The following SEZ6L variants were observed in gnomAD, a reference collection of about 807,000 sequenced individuals.
The protein encoded by SEZ6L is seizure 6-like protein.
Under a neutral mutation model 106.2 loss-of-function variants are expected in SEZ6L, and 37 were observed. The observed-to-expected ratio is 0.35, with a 90% confidence interval of 0.27 to 0.46. SEZ6L has a LOEUF of 0.46. SEZ6L is among the 20% of genes least tolerant of loss of function. The pLI is 1.00. For missense variants in SEZ6L, 1,172 were observed against 1,332.8 expected, an observed-to-expected ratio of 0.88 and a Z score of 1.88; for synonymous variants, 541 against 570.4, an observed-to-expected ratio of 0.95 and a Z score of 0.73.
Position 26,375,560 on chromosome 22 carries a change from G to A in SEZ6L, c.2828-15G>A. On this transcript the variant is annotated splice_polypyrimidine_tract_variant and intron_variant, in intron 14 of 16. Transcript: ENST00000248933. The stretch of plus-strand genomic sequence containing the variant: ...CTACCTGGGAAATGAGGACCTCACT[G>A]GCTCCTGTGTTCAGTAGCAGAAGCG... 6.3e-7 allele frequency: 1 copy of A among 1,595,918 alleles called. No homozygotes were observed. The highest frequency in any genetic ancestry group is 8.6e-7 in the Non-Finnish European group (1 of 1,163,588).
chr22:26,287,094 G>A (rs1299642029), intron 1 of SEZ6L, among the ~76,000 whole-genome samples: 2 of 149,282 alleles, frequency 1.3e-5, no homozygotes, highest in East Asian at 3.9e-4. Flanking sequence ...GATGTTCCCA[G>A]TCTAATCTCC....
At chr22:26,281,055 A>T (rs1330678151) in intron 1 of SEZ6L, among the ~76,000 whole-genome samples, 1 of 152,212 alleles carries the variant, frequency 6.6e-6, no homozygotes, top group Non-Finnish European at 1.5e-5. Flanking sequence ...TCATGTTGGA[A>T]TTTAATCCCC....
At chr22:26,292,350 C>G in intron 1 of SEZ6L, 56 bp from the exon 2 acceptor site, 1 of 1,393,366 alleles carries the variant, frequency 7.2e-7, no homozygotes, top group Non-Finnish European at 9.9e-7. Context: ...AGTCTGACAG[C>G]AGGTGAAGGT....
chr22:26,203,403 C>T (rs540480023), intron 1 of SEZ6L, among the ~76,000 whole-genome samples: 2 of 152,270 alleles, frequency 1.3e-5, no homozygotes, highest in African/African-American at 4.8e-5. Context: ...TAGCTCTATC[C>T]CCCTAGCCTC....
Position 26,343,610 on chromosome 22 carries a change from G to A in SEZ6L, c.2212+2978G>A, listed in dbSNP as rs550170733. ...TAGGCTCTGCACACCAGGATATAGA[G>A]ATGAATAGAATATTCTCCCTACCCT... On this transcript the variant is annotated intron_variant, in intron 10 of 16. Transcript: ENST00000248933. 3.0e-4 allele frequency among the ~76,000 whole-genome samples: 45 copies of A among 152,300 alleles called. No homozygotes were observed. In the South Asian group the frequency reaches 8.7e-3, roughly 29 times the overall value.
At chr22:26,320,877 C>T (rs965419053) in intron 9 of SEZ6L, among the ~76,000 whole-genome samples, 3 of 152,156 alleles carry the variant, frequency 2.0e-5, no homozygotes, top group African/African-American at 7.2e-5. Flanking sequence ...CTAGTGGGGA[C>T]AGGCCAGGGA....
intron 1 of SEZ6L, among the ~76,000 whole-genome samples, chr22:26,203,804 T>A (rs1180884868): frequency 6.6e-6 from 1 of 152,204 alleles, no homozygotes; most frequent in African/African-American, 2.4e-5. Flanking sequence ...TGAACCATCA[T>A]ATGGACCTCT....
At chr22:26,177,330 G>C (rs761577568) in intron 1 of SEZ6L, among the ~76,000 whole-genome samples, 14 of 152,150 alleles carry the variant, frequency 9.2e-5, no homozygotes, top group African/African-American at 1.4e-4. Flanking sequence ...TAAAAAGTGG[G>C]AGGAGAGAAA....
intron 1 of SEZ6L, among the ~76,000 whole-genome samples, chr22:26,219,003 T>A (rs77751259): frequency 0.057 from 8,614 of 152,148 alleles, 350 homozygotes; most frequent in Non-Finnish European, 0.084. Flanking sequence ...AAGCACCTGG[T>A]CCCCCTGAAG....
intron 1 of SEZ6L, among the ~76,000 whole-genome samples, chr22:26,222,971 T>A (rs1442136472): frequency 7.4e-6 from 1 of 135,356 alleles, no homozygotes; most frequent in African/African-American, 3.1e-5. Context: ...CAATGATGCA[T>A]GGGACAGCCT....
chr22:26,241,175 CA>C (rs2079118309), intron 1 of SEZ6L, among the ~76,000 whole-genome samples: 1 of 152,168 alleles, frequency 6.6e-6, no homozygotes, highest in Non-Finnish European at 1.5e-5. Flanking sequence ...ATGAGAGGGT[CA>C]CAGAGCTAGC....
intron 1 of SEZ6L, among the ~76,000 whole-genome samples, chr22:26,194,599 C>T (rs1940460028): frequency 1.3e-5 from 2 of 152,190 alleles, no homozygotes; most frequent in African/African-American, 4.8e-5. Flanking sequence ...ATAATATGCA[C>T]TAGGCTCTTA....
chr22:26,172,228 C>A (rs9608467), intron 1 of SEZ6L, among the ~76,000 whole-genome samples: 14,535 of 152,106 alleles, frequency 0.096, 707 homozygotes, highest in Admixed American at 0.12. Context: ...AAATTTGCTG[C>A]TTCCCCAGTC....
chr22:26,301,914 C>T (rs1483441878), intron 5 of SEZ6L, among the ~76,000 whole-genome samples: 5 of 152,150 alleles, frequency 3.3e-5, no homozygotes, highest in Admixed American at 3.3e-4. Context: ...TGCTCAAGGT[C>T]ATGAGAAGAC....
intron 1 of SEZ6L, among the ~76,000 whole-genome samples, chr22:26,237,961 G>T (rs2079001230): frequency 6.6e-6 from 1 of 152,144 alleles, no homozygotes; most frequent in Non-Finnish European, 1.5e-5. Context: ...CTGAAAAGGA[G>T]CCAGAATATT....
chr22:26,300,021 C>T lies in SEZ6L; in HGVS notation c.1348+852C>T, dbSNP rs148945609. On this transcript the variant is annotated intron_variant, in intron 5 of 16. Coordinates refer to ENST00000248933, the MANE Select transcript of SEZ6L (RefSeq NM_021115.5). ...ATGTTGTTGTTTTTATTGTAGCCATCCTTATGGGTATGAAGGTATCTCATG... is the reference window on the plus strand; with the variant it reads ...ATGTTGTTGTTTTTATTGTAGCCATTCTTATGGGTATGAAGGTATCTCATG... 2.6e-3 allele frequency among the ~76,000 whole-genome samples: 393 copies of T among 152,306 alleles called. 3 individuals carry two copies. Among genetic ancestry groups the T allele is most frequent in the African/African-American group, 8.7e-3 (362 of 41,568 alleles).
At chr22:26,348,559 A>G (rs866941518) in intron 11 of SEZ6L, among the ~76,000 whole-genome samples, 9 of 70,148 alleles carry the variant, frequency 1.3e-4, no homozygotes, top group Middle Eastern at 7.4e-3. Flanking sequence ...GGAAGGAAGG[A>G]AGGGAGGAAA....
Position 26,169,499 on chromosome 22 carries a change from G to A in SEZ6L, c.-171G>A, listed in dbSNP as rs562761293. On this transcript the variant is annotated 5_prime_UTR_variant, in exon 1 of 17. Transcript: ENST00000248933. ...GCGCCCGGCGCAGCTCGGCCAGAGCGACCGCGGGGCTGAGCGCGCGTCCGC... is the reference window on the plus strand; with the variant it reads ...GCGCCCGGCGCAGCTCGGCCAGAGCAACCGCGGGGCTGAGCGCGCGTCCGC... The A allele has an allele frequency of 1.6e-4, 56 of 351,770 alleles. No homozygotes were observed. Among genetic ancestry groups the A allele is most frequent in the African/African-American group, 1.1e-3 (53 of 46,784 alleles). The allele number at this position is 351,770 out of a possible 1,614,324, so 21.8% of individuals were successfully genotyped here.
chr22:26,218,431 G>C (rs908396566), intron 1 of SEZ6L, among the ~76,000 whole-genome samples: 3 of 152,044 alleles, frequency 2.0e-5, no homozygotes, highest in African/African-American at 7.2e-5. Context: ...AACAGGTCCT[G>C]GTATGTAATG....
Sources: gnomAD v4.1 joint callset for allele counts (sites outside exome capture counted in the v4.1 genomes callset) on GRCh38, gnomAD v4.1.1 for gene constraint, MANE v1.5 for transcripts, NCBI Gene and HGNC (gene_info 2026-07-23, HGNC 2026-07-21) for gene names.